SPTBN5: variants seen among roughly 807,000 people sequenced by gnomAD.
The protein encoded by SPTBN5 is spectrin beta chain, non-erythrocytic 5.
Under a neutral mutation model 477.6 loss-of-function variants are expected in SPTBN5, and 513 were observed. That is an observed-to-expected ratio of 1.07 (90% CI 1.00 to 1.16). The LOEUF (loss-of-function observed/expected upper bound fraction) is 1.16, where lower values mean the gene tolerates loss of function less well. SPTBN5 is among the 50% of genes most tolerant of loss of function. The probability of loss-of-function intolerance (pLI) is 0.00; values close to 1 mark genes in which losing one functional copy is unlikely to be tolerated. For synonymous variants in SPTBN5, 2,169 were observed against 2,011.7 expected, an observed-to-expected ratio of 1.08 and a Z score of -2.09; for missense variants, 5,062 against 4,731.8, an observed-to-expected ratio of 1.07 and a Z score of -2.05.
chr15:41,853,080 T>C (rs1452842472), intron 59 of SPTBN5, 80 bp from the exon 60 acceptor site: 1 of 1,445,058 alleles, frequency 6.9e-7, no homozygotes, highest in African/African-American at 1.4e-5. Flanking sequence ...GAGCCAAGTG[T>C]TAATGGAAGT....
intron 7 of SPTBN5, 27 bp from the exon 8 acceptor site, chr15:41,883,513 C>G (rs780620436): frequency 2.5e-6 from 4 of 1,609,240 alleles, no homozygotes; most frequent in Non-Finnish European, 3.4e-6. Context: ...TAAGGGAGAT[C>G]TCCTCTGGGT....
At chr15:41,872,056 T>C in intron 27 of SPTBN5, 139 bp from the exon 28 acceptor site, 1 of 1,194,618 alleles carries the variant, frequency 8.4e-7, no homozygotes. Context: ...ATTCAGGGAG[T>C]AGTAGACACA....
intron 59 of SPTBN5, 42 bp downstream of exon 59, chr15:41,853,216 G>C (rs2065830745): frequency 1.3e-6 from 2 of 1,552,310 alleles, no homozygotes; most frequent in Non-Finnish European, 8.8e-7. Flanking sequence ...CAATCAGGCT[G>C]TATCCCCAGC....
At position 41,881,181 on chromosome 15, in the gene SPTBN5, C is replaced by T. The variant is rs1665144844; in HGVS notation, c.2511G>A (p.Trp837Ter). The T allele has an allele frequency of 2.5e-6, 4 of 1,612,942 alleles. No individual in the cohort carries two copies. The highest frequency in any genetic ancestry group is 1.3e-5 in the African/African-American group (1 of 74,908). ...PGESLRNPGP[W>*]SEASCHPGPG... Reference sequence around the variant, plus strand: ...GGCCAGGGTGGCAGGAAGCCTCACTCCAGGGCCCTGGGTTCCTCAGGCTTT... The same window carrying T: ...GGCCAGGGTGGCAGGAAGCCTCACTTCAGGGCCCTGGGTTCCTCAGGCTTT... Residue 837 changes from tryptophan (W) to a stop codon, truncating the protein, a stop_gained, in exon 13 of 68, where the codon TGG (tryptophan) becomes TGA (stop). Coordinates refer to ENST00000320955, the MANE Select transcript of SPTBN5 (RefSeq NM_016642.4). LOFTEE classifies it high-confidence loss of function.
At chr15:41,881,542 G>A (rs2066953020) in intron 12 of SPTBN5, among the ~76,000 whole-genome samples, 1 of 152,218 alleles carries the variant, frequency 6.6e-6, no homozygotes, top group East Asian at 1.9e-4. Context: ...ACTGAGCAAG[G>A]GGTGTCAGAA....
rs369527538 is a variant in SPTBN5, at chr15:41,870,458, G to A, written c.5550C>T (p.Leu1850=). 2.4e-5 allele frequency: 38 copies of A among 1,613,642 alleles called. No homozygotes were observed. The highest frequency in any genetic ancestry group is 2.1e-4 in the African/African-American group (16 of 74,900). The change falls in exon 30 of 68, where the codon CTC becomes CTT. Residue 1850 remains leucine, a synonymous_variant. Coordinates refer to ENST00000320955, the MANE Select transcript of SPTBN5 (RefSeq NM_016642.4). ...CTCCGGCTCACACCTGGACCTGGGTGAGGACTTCCAAGAGATCTCTGTGAA... is the reference window on the plus strand; with the variant it reads ...CTCCGGCTCACACCTGGACCTGGGTAAGGACTTCCAAGAGATCTCTGTGAA... ...LRVHRDLLEV[L]TQVQEKATSL... is the part of the protein sequence containing the mutation.
Position 41,862,300 on chromosome 15 carries a change from C to T in SPTBN5, c.7386-8G>A. 6.3e-7 allele frequency: 1 copy of T among 1,583,096 alleles called. No individual in the cohort carries two copies. Among genetic ancestry groups the T allele is most frequent in the Non-Finnish European group, 8.6e-7 (1 of 1,163,158 alleles). ...GCATCCAGCGCCTCCCTCCTGCCCA[C>T]AGCGCTCATCAGCTAGTCGTCAGGC... On this transcript the variant is annotated splice_polypyrimidine_tract_variant and splice_region_variant and intron_variant, in intron 43 of 67. Coordinates refer to ENST00000320955, the MANE Select transcript of SPTBN5 (RefSeq NM_016642.4).
chr15:41,860,878 A>G, intron 46 of SPTBN5, 120 bp from the exon 47 acceptor site: 1 of 1,018,894 alleles, frequency 9.8e-7, no homozygotes, highest in Non-Finnish European at 1.3e-6. Context: ...TGCTCCGCCC[A>G]AACACATCCC....
At chr15:41,878,289 C>T (rs2066814522) in intron 17 of SPTBN5, 53 bp downstream of exon 17, 7 of 1,582,976 alleles carry the variant, frequency 4.4e-6, no homozygotes, top group South Asian at 1.1e-5. Flanking sequence ...AACCCAGAGC[C>T]CAGAGCCCTG....
intron 28 of SPTBN5, 125 bp downstream of exon 28, chr15:41,871,657 G>A (rs2066540518): frequency 2.8e-6 from 4 of 1,417,126 alleles, no homozygotes; most frequent in Non-Finnish European, 3.7e-6. Flanking sequence ...CCACTGAGGA[G>A]GCCCCACCTC....
rs1431440616 is a variant in SPTBN5, at chr15:41,861,802, TC to T, written c.7669del (p.Glu2557SerfsTer2). ...IRQVLAGLEQ[E>X]LSSLEGAWQE... ...CCAGGCCCCTTCCAGGCTGCTCAGCTCCTGTTCTAAGCCAGCCAGCACCTGG... is the reference window on the plus strand; with the variant it reads ...CCAGGCCCCTTCCAGGCTGCTCAGCTCTGTTCTAAGCCAGCCAGCACCTGG... On this transcript the variant is annotated frameshift_variant, in exon 45 of 68. Transcript: ENST00000320955. LOFTEE classifies it high-confidence loss of function. The T allele has an allele frequency of 1.3e-6, 2 of 1,574,708 alleles. No homozygotes were observed. The highest frequency in any genetic ancestry group is 1.7e-6 in the Non-Finnish European group (2 of 1,164,332).
At chr15:41,875,187 C>G in intron 22 of SPTBN5, 131 bp from the exon 23 acceptor site, 1 of 963,872 alleles carries the variant, frequency 1.0e-6, no homozygotes, top group Non-Finnish European at 1.5e-6. Context: ...ACTGCCAACC[C>G]TCGGCCAGAA....
chr15:41,890,218 T>C lies in SPTBN5; in HGVS notation c.385-13A>G, dbSNP rs748791397. ...GTGGTACTGGCACCTGTGGGCACAG[T>C]TGGATGGGCTAAGCCATGAAGCCCA... On this transcript the variant is annotated splice_polypyrimidine_tract_variant and intron_variant, in intron 3 of 67. Coordinates refer to ENST00000320955, the MANE Select transcript of SPTBN5 (RefSeq NM_016642.4). 2.5e-6 allele frequency: 4 copies of C among 1,587,530 alleles called. No homozygotes were observed. The highest frequency in any genetic ancestry group is 2.6e-6 in the Non-Finnish European group (3 of 1,160,076).
intron 54 of SPTBN5, 33 bp downstream of exon 54, chr15:41,855,516 T>C: frequency 2.5e-6 from 4 of 1,602,522 alleles, no homozygotes; most frequent in Non-Finnish European, 2.6e-6. Context: ...GGCTTCTCTC[T>C]GCTCCTTCGC....
intron 58 of SPTBN5, 38 bp from the exon 59 acceptor site, chr15:41,853,485 T>G (rs1273543537): frequency 1.3e-6 from 2 of 1,545,496 alleles, no homozygotes; most frequent in Non-Finnish European, 1.8e-6. Context: ...CAGGGCTGGC[T>G]GGGGAGCAGG....
In SPTBN5 at chr15:41,862,161, C is replaced by G; in HGVS notation, c.7517G>C (p.Arg2506Pro). The stretch of plus-strand genomic sequence containing the variant: ...CTCCTGATGCTCTTCTAACATACGC[C>G]GGGCTTCCACAGGGCTGCGAGGAGC... ...SPAPRSPVEA[R>P]RMLEEHQECK... The change falls in exon 44 of 68, where the codon CGG becomes CCG. Residue 2506 changes from arginine to proline, a missense_variant. Transcript: ENST00000320955. 2.5e-6 allele frequency: 4 copies of G among 1,597,940 alleles called. No homozygotes were observed. Among genetic ancestry groups the G allele is most frequent in the Non-Finnish European group, 3.4e-6 (4 of 1,170,716 alleles).
intron 3 of SPTBN5, among the ~76,000 whole-genome samples, chr15:41,890,766 A>T (rs969428787): frequency 6.6e-6 from 1 of 152,190 alleles, no homozygotes; most frequent in African/African-American, 2.4e-5. Flanking sequence ...CTTGAACAAC[A>T]CCTTGGGTGG....
intron 66 of SPTBN5, 50 bp downstream of exon 66, chr15:41,850,804 G>C: frequency 1.3e-6 from 2 of 1,486,304 alleles, no homozygotes; most frequent in Non-Finnish European, 1.8e-6. Context: ...CCAGGAGCTT[G>C]GGGCCCAGGG....
intron 28 of SPTBN5, 53 bp from the exon 29 acceptor site, chr15:41,871,573 G>C (rs2066538028): frequency 2.1e-5 from 30 of 1,412,832 alleles, no homozygotes; most frequent in Non-Finnish European, 2.8e-5. Flanking sequence ...TAGGCGTCAA[G>C]CAGCCTGGGA....
Sources: allele counts gnomAD v4.1 joint callset (sites outside exome capture counted in the v4.1 genomes callset), GRCh38; gene constraint gnomAD v4.1.1; transcripts MANE v1.5; gene names NCBI Gene and HGNC (gene_info 2026-07-23, HGNC 2026-07-21).